The following BLMH variants were observed in gnomAD, a reference collection of about 807,000 sequenced individuals.
The protein encoded by BLMH is bleomycin hydrolase, also known as BLM hydrolase.
BLMH carries 32 observed loss-of-function variants against 61.6 expected under a neutral mutation model. The observed-to-expected ratio is 0.52, with a 90% CI of 0.39 to 0.70. The LOEUF is 0.70. BLMH is among the 30% of genes least tolerant of loss of function. BLMH has a pLI of 0.00. For missense variants in BLMH, 460 were observed against 555.5 expected (o/e 0.83, Z 1.73); for synonymous variants, 183 against 193.8 (o/e 0.94, Z 0.46).
At chr17:30,267,174 C>A (rs778040915) in intron 10 of BLMH, among the ~76,000 whole-genome samples, 1 of 152,154 alleles carries the variant, frequency 6.6e-6, no homozygotes, top group African/African-American at 2.4e-5. Context: ...ATTTGAATCT[C>A]TTGGGGTAAA....
intron 6 of BLMH, among the ~76,000 whole-genome samples, chr17:30,280,124 G>A (rs1054079073): frequency 6.6e-6 from 1 of 152,182 alleles, no homozygotes; most frequent in South Asian, 2.1e-4. Context: ...GGAGAGGTTA[G>A]AACAGTAAGG....
At chr17:30,258,910 A>G (rs1213292356) in intron 11 of BLMH, among the ~76,000 whole-genome samples, 1 of 152,108 alleles carries the variant, frequency 6.6e-6, no homozygotes, top group Non-Finnish European at 1.5e-5. Context: ...CACTCCTCTG[A>G]CCTGTTCAAC....
At chr17:30,283,800 A>G (rs923605028) in intron 6 of BLMH, among the ~76,000 whole-genome samples, 1 of 152,098 alleles carries the variant, frequency 6.6e-6, no homozygotes, top group Non-Finnish European at 1.5e-5. Context: ...GACTGCAGGC[A>G]TGAGCCACCG....
chr17:30,289,386 A>G lies in BLMH; in HGVS notation c.308T>C (p.Phe103Ser). Residue 103 changes from phenylalanine (F) to serine (S), a missense_variant, in exon 3 of 12, where the codon TTT becomes TCT. Physicochemically the swap from Phe to Ser is radical, Grantham distance 155. Transcript: ENST00000261714. ...EEFEFSQSYL[F>S]FWDKVERCYF... ...TCTGTCCCATACCTTGTCCCAAAAA[A>G]ACAGGTAAGATTGGCTAAACTCAAA... The G allele has an allele frequency of 1.2e-6, 2 of 1,605,132 alleles. No individual in the cohort carries two copies. Among genetic ancestry groups the G allele is most frequent in the Non-Finnish European group, 8.5e-7 (1 of 1,172,630 alleles).
At chr17:30,250,971 A>C (rs1281188647) in intron 11 of BLMH, among the ~76,000 whole-genome samples, 1 of 152,246 alleles carries the variant, frequency 6.6e-6, no homozygotes, top group Non-Finnish European at 1.5e-5. Context: ...ATTCTAAATG[A>C]AGTAACTCAG....
chr17:30,278,192 C>T (rs1908474944), intron 6 of BLMH, among the ~76,000 whole-genome samples: 1 of 152,102 alleles, frequency 6.6e-6, no homozygotes, highest in Non-Finnish European at 1.5e-5. Context: ...TCTGAAATAA[C>T]ATTCCCTGGG....
intron 10 of BLMH, 108 bp from the exon 11 acceptor site, chr17:30,267,062 A>G (rs1356953407): frequency 3.4e-6 from 3 of 872,110 alleles, no homozygotes; most frequent in Non-Finnish European, 5.4e-6. Context: ...AGCCTGCTCT[A>G]TACAGGCAGC....
chr17:30,289,571 C>T (rs1160664253), intron 2 of BLMH, 89 bp from the exon 3 acceptor site: 7 of 741,034 alleles, frequency 9.4e-6, no homozygotes, highest in Admixed American at 6.7e-5. Flanking sequence ...ACTCATGACA[C>T]GATCTGGACA....
intron 11 of BLMH, among the ~76,000 whole-genome samples, chr17:30,256,018 CT>C (rs1187680257): frequency 3.3e-5 from 5 of 152,158 alleles, no homozygotes; most frequent in African/African-American, 1.2e-4. Flanking sequence ...TCCCAAGTAG[CT>C]AGGACTACAG....
intron 11 of BLMH, among the ~76,000 whole-genome samples, chr17:30,264,358 G>A (rs1908041987): frequency 6.6e-6 from 1 of 152,116 alleles, no homozygotes; most frequent in Non-Finnish European, 1.5e-5. Flanking sequence ...TACAGGGATA[G>A]CAAGATCCCA....
At chr17:30,267,843 G>A (rs1298603372) in intron 10 of BLMH, among the ~76,000 whole-genome samples, 1 of 152,116 alleles carries the variant, frequency 6.6e-6, no homozygotes, top group Non-Finnish European at 1.5e-5. Context: ...CTGTATTATC[G>A]CCTAATGATT....
At chr17:30,288,885 T>A (rs1423944569) in intron 3 of BLMH, among the ~76,000 whole-genome samples, 2 of 152,148 alleles carry the variant, frequency 1.3e-5, no homozygotes, top group Admixed American at 6.5e-5. Context: ...GAGGATGGCT[T>A]GAACCCAGGA....
chr17:30,256,718 A>T (rs1280066779), intron 11 of BLMH, among the ~76,000 whole-genome samples: 2 of 151,536 alleles, frequency 1.3e-5, no homozygotes, highest in Admixed American at 1.3e-4. Flanking sequence ...TTCTGCTATT[A>T]TAATGAAAAA....
chr17:30,271,076 AG>A lies in BLMH; in HGVS notation c.1146+194del, dbSNP rs976520015. On this transcript the variant is annotated intron_variant, in intron 10 of 11. Transcript: ENST00000261714. ...CCCTGCTGACCCAAATTCTCCTCATAGAAAGTTCCTATTTTTATATTACCTC... is the reference window on the plus strand; with the variant it reads ...CCCTGCTGACCCAAATTCTCCTCATAAAAGTTCCTATTTTTATATTACCTC... Among the ~76,000 whole-genome samples the A allele has an allele frequency of 5.3e-5, 8 of 152,224 alleles. No individual in the cohort carries two copies. In the South Asian group the frequency reaches 8.3e-4, roughly 16 times the overall value.
chr17:30,274,225 C>A, intron 6 of BLMH, 28 bp from the exon 7 acceptor site: 1 of 1,608,616 alleles, frequency 6.2e-7, no homozygotes, highest in Non-Finnish European at 8.5e-7. Flanking sequence ...GAAAGGCGAG[C>A]AATGGTTAGG....
chr17:30,271,496 A>G lies in BLMH; in HGVS notation c.1029-108T>C, dbSNP rs1908270737. 3 of 767,280 alleles carry G rather than the reference A, an allele frequency of 3.9e-6. No individual in the cohort carries two copies. The South Asian group carries it at 4.6e-5, about 12-fold the overall frequency. The allele number at this position is 767,280 out of a possible 1,614,324, so 47.5% of individuals were successfully genotyped here. A position where few individuals can be genotyped will look rare whatever the true frequency, so the allele number is the denominator to read the frequency against. ...AAACTGAAGGGGCTCAACAGCTCCA[A>G]ATAAATAAGGCTCTAGCTGTAGCTC... On this transcript the variant is annotated intron_variant, in intron 9 of 11. Transcript: ENST00000261714.
Position 30,248,570 on chromosome 17 carries a change from T to C in BLMH, c.*447A>G. ...CCATCTAGGAAAGACAGTGATACTGTCCAGCAGCATGCAGTTCCGAGAGCT... is the reference window on the plus strand; with the variant it reads ...CCATCTAGGAAAGACAGTGATACTGCCCAGCAGCATGCAGTTCCGAGAGCT... On this transcript the variant is annotated 3_prime_UTR_variant, in exon 12 of 12. Transcript: ENST00000261714. 1 of 161,962 alleles carries C rather than the reference T, an allele frequency of 6.2e-6. No homozygotes were observed. The highest frequency in any genetic ancestry group is 1.8e-4 in the East Asian group (1 of 5,406). The allele number at this position is 161,962 out of a possible 1,614,324, so 10.0% of individuals were successfully genotyped here.
chr17:30,286,107 T>A (rs958141466), intron 5 of BLMH, among the ~76,000 whole-genome samples: 1 of 152,202 alleles, frequency 6.6e-6, no homozygotes, highest in African/African-American at 2.4e-5. Context: ...CTACTTCTAA[T>A]GTTGGGGAGA....
At chr17:30,262,376 A>G (rs1907981363) in intron 11 of BLMH, among the ~76,000 whole-genome samples, 1 of 152,240 alleles carries the variant, frequency 6.6e-6, no homozygotes, top group African/African-American at 2.4e-5. Flanking sequence ...TATCAAATAC[A>G]CTATTATTTG....
Sources: gnomAD v4.1 joint callset for allele counts (sites outside exome capture counted in the v4.1 genomes callset) on GRCh38, gnomAD v4.1.1 for gene constraint, MANE v1.5 for transcripts, NCBI Gene and HGNC (gene_info 2026-07-23, HGNC 2026-07-21) for gene names.